Variants in FNDC3B observed in about 807,000 individuals in gnomAD.
FNDC3B encodes fibronectin type III domain-containing protein 3B.
In FNDC3B, 12 loss-of-function variants were observed where a neutral mutation model predicts 151.5. The observed-to-expected ratio is 0.08, with a 90% CI of 0.05 to 0.13. The LOEUF (loss-of-function observed/expected upper bound fraction) is 0.13. Among genes scored for constraint, FNDC3B ranks in the 10% least tolerant of loss-of-function variants. The pLI is 1.00. For missense variants in FNDC3B, 1,214 were observed against 1,505.3 expected (o/e 0.81, Z 3.20); for synonymous variants, 528 against 549.0 (o/e 0.96, Z 0.54).
intron 3 of FNDC3B, among the ~76,000 whole-genome samples, chr3:172,191,853 C>G (rs1724525628): frequency 3.3e-5 from 5 of 152,158 alleles, no homozygotes; most frequent in Admixed American, 2.6e-4. Context: ...TCTGCCAACT[C>G]TCAATCAATT....
chr3:172,096,210 A>G (rs1416571538), intron 1 of FNDC3B, among the ~76,000 whole-genome samples: 2 of 152,166 alleles, frequency 1.3e-5, no homozygotes, highest in African/African-American at 4.8e-5. Context: ...TATAGTTGTG[A>G]AATAGGTGCT....
intron 10 of FNDC3B, among the ~76,000 whole-genome samples, chr3:172,308,434 T>C (rs1223294679): frequency 6.6e-6 from 1 of 152,206 alleles, no homozygotes; most frequent in African/African-American, 2.4e-5. Context: ...GATAAAGATT[T>C]AGGGTTTGGG....
chr3:172,187,873 G>GC (rs1197678000), intron 3 of FNDC3B, among the ~76,000 whole-genome samples: 4 of 152,182 alleles, frequency 2.6e-5, no homozygotes, highest in African/African-American at 7.2e-5. Context: ...GCCCACCTTG[G>GC]CCCCCCAAAG....
At chr3:172,084,469 GTA>G (rs1491506044) in intron 1 of FNDC3B, among the ~76,000 whole-genome samples, 2 of 32,290 alleles carry the variant, frequency 6.2e-5, no homozygotes, top group South Asian at 6.6e-4. Context: ...ATATGTATAT[GTA>G]TACACACACA....
At chr3:172,378,995 G>A (rs1158713672) in intron 24 of FNDC3B, among the ~76,000 whole-genome samples, 1 of 152,178 alleles carries the variant, frequency 6.6e-6, no homozygotes, top group Non-Finnish European at 1.5e-5. Flanking sequence ...AGTTGTGAGA[G>A]CCCCATGTAT....
intron 3 of FNDC3B, among the ~76,000 whole-genome samples, chr3:172,209,503 G>T (rs1725613444): frequency 6.6e-6 from 1 of 152,222 alleles, no homozygotes; most frequent in Non-Finnish European, 1.5e-5. Flanking sequence ...CCTATCCACA[G>T]ACAGGTGATG....
At chr3:172,186,711 G>A in intron 3 of FNDC3B, 1 of 702,190 alleles carries the variant, frequency 1.4e-6, no homozygotes, top group Non-Finnish European at 2.6e-6. Flanking sequence ...TCTTTTAACA[G>A]ATGAAGTGGT....
intron 1 of FNDC3B, among the ~76,000 whole-genome samples, chr3:172,083,348 A>C (rs1718377278): frequency 6.6e-6 from 1 of 152,234 alleles, no homozygotes; most frequent in Non-Finnish European, 1.5e-5. Flanking sequence ...GGAGCTGCAC[A>C]CACTTTGGGT....
chr3:172,075,214 A>G (rs934700248), intron 1 of FNDC3B, among the ~76,000 whole-genome samples: 8 of 152,134 alleles, frequency 5.3e-5, no homozygotes, highest in Non-Finnish European at 1.0e-4. Flanking sequence ...GTTTTATATC[A>G]AAGAATTTTA....
At chr3:172,131,043 T>G (rs1297530552) in intron 2 of FNDC3B, among the ~76,000 whole-genome samples, 1 of 152,200 alleles carries the variant, frequency 6.6e-6, no homozygotes, top group Non-Finnish European at 1.5e-5. Flanking sequence ...TATTGTATAT[T>G]TATGTAAAAA....
At chr3:172,151,446 T>A (rs1722214349) in intron 3 of FNDC3B, among the ~76,000 whole-genome samples, 2 of 152,156 alleles carry the variant, frequency 1.3e-5, no homozygotes, top group South Asian at 4.1e-4. Flanking sequence ...TCTCCCCGAC[T>A]CCACTCCCCA....
chr3:172,299,060 T>C (rs1192399386), intron 9 of FNDC3B, among the ~76,000 whole-genome samples: 1 of 152,362 alleles, frequency 6.6e-6, no homozygotes, highest in East Asian at 1.9e-4. Flanking sequence ...TATTGGACTA[T>C]GGTTTAACAG....
chr3:172,050,700 CGTGTGTGTGTGTGT>C (rs71975191), intron 1 of FNDC3B, among the ~76,000 whole-genome samples: 2 of 144,994 alleles, frequency 1.4e-5, no homozygotes, highest in South Asian at 2.2e-4. Flanking sequence ...GGTATATTTT[CGTGTGTGTGTGTGT>C]GTGTGTGTGT....
chr3:172,369,605 A>C (rs920786873), intron 23 of FNDC3B, among the ~76,000 whole-genome samples: 3 of 152,166 alleles, frequency 2.0e-5, no homozygotes, highest in African/African-American at 7.2e-5. Context: ...CTGATCACTC[A>C]CAAGCCAAAA....
At chr3:172,213,550 C>T (rs1049462451) in intron 3 of FNDC3B, among the ~76,000 whole-genome samples, 2 of 152,178 alleles carry the variant, frequency 1.3e-5, no homozygotes, top group South Asian at 2.1e-4. Context: ...ATGAGTTGCT[C>T]ATATTTATAT....
intron 25 of FNDC3B, among the ~76,000 whole-genome samples, chr3:172,382,893 A>G (rs1277206612): frequency 6.6e-6 from 1 of 152,198 alleles, no homozygotes; most frequent in East Asian, 1.9e-4. Flanking sequence ...GTTTGAAGTC[A>G]GGTAGCATGA....
chr3:172,360,886 T>C lies in FNDC3B; in HGVS notation c.2796-1747T>C, dbSNP rs547702481. ...TGTGATTCTTCAAACTTTATTCTTA[T>C]TTTTAAATTTTGCATTAGCTATTTT... On this transcript the variant is annotated intron_variant, in intron 22 of 25. Transcript: ENST00000415807. Among the ~76,000 whole-genome samples the C allele has an allele frequency of 5.3e-5, 8 of 152,356 alleles. No homozygotes were observed. The East Asian group carries it at 5.8e-4, about 11-fold the overall frequency.
intron 19 of FNDC3B, among the ~76,000 whole-genome samples, chr3:172,345,671 C>T (rs1226383903): frequency 6.6e-6 from 1 of 151,582 alleles, no homozygotes; most frequent in Non-Finnish European, 1.5e-5. Flanking sequence ...CTGCTCCAAA[C>T]CTTTGAAGTA....
chr3:172,294,673 C>T (rs1730502817), intron 7 of FNDC3B, among the ~76,000 whole-genome samples: 1 of 152,200 alleles, frequency 6.6e-6, no homozygotes, highest in Non-Finnish European at 1.5e-5. Flanking sequence ...CAGCTGTGGC[C>T]AGTCAGAGCT....
Sources: gnomAD v4.1 joint callset for allele counts (sites outside exome capture counted in the v4.1 genomes callset) on GRCh38, gnomAD v4.1.1 for gene constraint, MANE v1.5 for transcripts, NCBI Gene and HGNC (gene_info 2026-07-23, HGNC 2026-07-21) for gene names.